Variants in SAXO1 observed in about 807,000 individuals in gnomAD.
SAXO1 encodes stabilizer of axonemal microtubules 1, also known as 4930500O09Rik.
Under a neutral mutation model 17.5 loss-of-function variants are expected in SAXO1, and 21 were observed. The ratio of observed to expected loss-of-function variants is 1.20; its 90% CI spans 0.85 to 1.72. SAXO1 has a LOEUF of 1.72. SAXO1 is among the 40% of genes most tolerant of loss of function. SAXO1 has a pLI of 0.00. For missense variants in SAXO1, 843 were observed against 596.0 expected (o/e 1.41, Z -4.32); for synonymous variants, 274 against 216.5 (o/e 1.27, Z -2.33).
In SAXO1 at chr9:18,980,328, T is replaced by C. The variant is rs370237672; in HGVS notation, c.39-29391A>G. Among the ~76,000 whole-genome samples the C allele has an allele frequency of 5.3e-5, 8 of 151,902 alleles. No homozygotes were observed. The East Asian group carries it at 7.7e-4, about 15-fold the overall frequency. On this transcript the variant is annotated intron_variant, in intron 1 of 3. Transcript: ENST00000380534. ...TGTTTAAGCATACAAATCAGAAGTA[T>C]AGTGGGAGGTGGTATATGGCTGTGG...
chr9:19,007,380 T>TA (rs1328060000), intron 1 of SAXO1, among the ~76,000 whole-genome samples: 1 of 152,194 alleles, frequency 6.6e-6, no homozygotes, highest in Non-Finnish European at 1.5e-5. Context: ...GTTAAAATGT[T>TA]AAATTTTAAG....
At chr9:18,970,196 G>A (rs1327785779) in intron 1 of SAXO1, among the ~76,000 whole-genome samples, 2 of 152,204 alleles carry the variant, frequency 1.3e-5, no homozygotes, top group East Asian at 3.8e-4. Context: ...GTGTGAACAT[G>A]TTAAATGTCT....
At chr9:18,981,891 C>T (rs991376333) in intron 1 of SAXO1, among the ~76,000 whole-genome samples, 7 of 152,252 alleles carry the variant, frequency 4.6e-5, no homozygotes, top group Non-Finnish European at 1.0e-4. Flanking sequence ...CCCTTTTCCT[C>T]TACATCTTGC....
chr9:18,988,355 T>C (rs533816591), intron 1 of SAXO1, among the ~76,000 whole-genome samples: 1 of 152,322 alleles, frequency 6.6e-6, no homozygotes, highest in East Asian at 1.9e-4. Context: ...CAAAAAAGCA[T>C]CCATTCAAAT....
rs72694601 is a variant in SAXO1, at chr9:18,989,012, T to C, written c.39-38075A>G. ...CCCCTATAGGATGTATGCCTTTTTA[T>C]TTTAATAAGAAGTAAGATCATTTTA... On this transcript the variant is annotated intron_variant, in intron 1 of 3. Coordinates refer to ENST00000380534, the MANE Select transcript of SAXO1 (RefSeq NM_153707.4). Among the ~76,000 whole-genome samples the C allele has an allele frequency of 8.2e-3, 1,252 of 152,258 alleles. 9 individuals are homozygous for C. The highest frequency in any genetic ancestry group is 0.012 in the Non-Finnish European group (805 of 68,016).
intron 1 of SAXO1, among the ~76,000 whole-genome samples, chr9:19,039,729 G>A (rs1362175821): frequency 4.6e-5 from 7 of 152,126 alleles, no homozygotes; most frequent in Admixed American, 3.9e-4. Context: ...TGCAGGTCTT[G>A]GAATTTGCTT....
chr9:18,961,386 C>T (rs1020909620), intron 1 of SAXO1, among the ~76,000 whole-genome samples: 18 of 152,202 alleles, frequency 1.2e-4, no homozygotes, highest in Admixed American at 7.2e-4. Context: ...ATGTGCAGAA[C>T]GTGCAGGTTT....
chr9:18,988,574 A>T (rs572186157), intron 1 of SAXO1, among the ~76,000 whole-genome samples: 113 of 152,358 alleles, frequency 7.4e-4, no homozygotes, highest in Middle Eastern at 3.4e-3. Flanking sequence ...ACATTAAATC[A>T]TGGCAAAGCT....
chr9:19,029,416 C>G (rs1052086052), intron 1 of SAXO1, among the ~76,000 whole-genome samples: 1 of 152,208 alleles, frequency 6.6e-6, no homozygotes, highest in Non-Finnish European at 1.5e-5. Flanking sequence ...CTCAAGGGCG[C>G]TGTCTCTGAC....
At chr9:19,040,777 G>A (rs1373126167) in intron 1 of SAXO1, among the ~76,000 whole-genome samples, 1 of 152,170 alleles carries the variant, frequency 6.6e-6, no homozygotes, top group East Asian at 1.9e-4. Flanking sequence ...GCAGTTGCCT[G>A]GGTCTCAGGG....
At chr9:18,982,774 A>G (rs1440080570) in intron 1 of SAXO1, among the ~76,000 whole-genome samples, 3 of 152,242 alleles carry the variant, frequency 2.0e-5, no homozygotes, top group Non-Finnish European at 2.9e-5. Flanking sequence ...TGAGTAACAT[A>G]TCTTGGAAAT....
chr9:19,018,851 T>C (rs1302434959), intron 1 of SAXO1, among the ~76,000 whole-genome samples: 2 of 152,234 alleles, frequency 1.3e-5, no homozygotes, highest in African/African-American at 4.8e-5. Context: ...GGCTTACACC[T>C]GTAATCCCAG....
intron 1 of SAXO1, among the ~76,000 whole-genome samples, chr9:18,962,459 T>A (rs531151933): frequency 3.3e-5 from 5 of 152,360 alleles, no homozygotes; most frequent in African/African-American, 1.2e-4. Flanking sequence ...TTGAGAAGTG[T>A]CTGTTCACAT....
intron 1 of SAXO1, among the ~76,000 whole-genome samples, chr9:18,987,613 C>A (rs1387833782): frequency 6.6e-6 from 1 of 152,076 alleles, no homozygotes; most frequent in Non-Finnish European, 1.5e-5. Context: ...GATTCTCTTC[C>A]TTGGGCCTGG....
chr9:18,974,648 T>C (rs1248252097), intron 1 of SAXO1, among the ~76,000 whole-genome samples: 3 of 152,170 alleles, frequency 2.0e-5, no homozygotes, highest in Non-Finnish European at 4.4e-5. Context: ...TAAATGATGA[T>C]AGTAATAGGT....
chr9:18,985,343 C>T (rs776942763), intron 1 of SAXO1, among the ~76,000 whole-genome samples: 3 of 151,954 alleles, frequency 2.0e-5, no homozygotes, highest in Non-Finnish European at 4.4e-5. Context: ...ATGAAGTGAG[C>T]GCATGGTATT....
In SAXO1 at chr9:18,999,675, C is replaced by T. The variant is rs182801455; in HGVS notation, c.38+33196G>A. Among the ~76,000 whole-genome samples, 195 of 139,986 alleles carry T rather than the reference C, an allele frequency of 1.4e-3. 3 individuals are homozygous for T. Among genetic ancestry groups the T allele is most frequent in the African/African-American group, 4.8e-3 (177 of 36,874 alleles). The allele number at this position is 139,986 out of a possible 152,430, so 91.8% of individuals were successfully genotyped here. A position where few individuals can be genotyped will look rare whatever the true frequency, so the allele number is the denominator to read the frequency against. On this transcript the variant is annotated intron_variant, in intron 1 of 3. Coordinates refer to ENST00000380534, the MANE Select transcript of SAXO1 (RefSeq NM_153707.4). ...GCCACACCGTCTGGGAAGTGAGGAG[C>T]GCCTCTGCCCGGCCGCCACACCATC...
intron 1 of SAXO1, chr9:19,027,698 G>A: frequency 7.3e-7 from 1 of 1,362,888 alleles, no homozygotes; most frequent in Non-Finnish European, 1.0e-6. Context: ...TGATGAGCTG[G>A]ATGCCATAGG....
chr9:18,932,248 G>A (rs918870946), intron 3 of SAXO1, among the ~76,000 whole-genome samples: 1 of 152,142 alleles, frequency 6.6e-6, no homozygotes, highest in African/African-American at 2.4e-5. Flanking sequence ...TTTGCATGTG[G>A]ATATCCAACT....
Sources: allele counts gnomAD v4.1 joint callset (sites outside exome capture counted in the v4.1 genomes callset), GRCh38; gene constraint gnomAD v4.1.1; transcripts MANE v1.5; gene names NCBI Gene and HGNC (gene_info 2026-07-23, HGNC 2026-07-21).